Variants in ST18 observed in about 807,000 individuals in gnomAD.
ST18 encodes the protein ST18 C2H2C-type zinc finger transcription factor.
A neutral mutation model predicts 110.0 loss-of-function variants in ST18; 50 were observed. The observed-to-expected ratio is 0.45, with a 90% confidence interval of 0.36 to 0.58. The LOEUF is 0.58. Among genes scored for constraint, ST18 ranks in the 20% least tolerant of loss-of-function variants. The pLI is 0.00. For missense variants in ST18, 1,306 were observed against 1,280.1 expected (o/e 1.02, Z -0.31); for synonymous variants, 461 against 452.4 (o/e 1.02, Z -0.24).
chr8:52,144,397 A>G (rs1448202351), intron 16 of ST18, among the ~76,000 whole-genome samples: 1 of 152,118 alleles, frequency 6.6e-6, no homozygotes, highest in Non-Finnish European at 1.5e-5. Context: ...TTCTGAGTCT[A>G]TATTCAAAAG....
At chr8:52,361,125 A>G (rs1825562294) in intron 2 of ST18, among the ~76,000 whole-genome samples, 3 of 152,220 alleles carry the variant, frequency 2.0e-5, no homozygotes, top group African/African-American at 7.2e-5. Flanking sequence ...TCACCGTAGT[A>G]TATTTTCCCC....
chr8:52,256,681 T>A (rs4466419), intron 2 of ST18, among the ~76,000 whole-genome samples: 1 of 152,006 alleles, frequency 6.6e-6, no homozygotes, highest in Non-Finnish European at 1.5e-5. Flanking sequence ...CAACATGGAT[T>A]TCTAGCTGAC....
intron 2 of ST18, among the ~76,000 whole-genome samples, chr8:52,395,511 G>A (rs995935259): frequency 6.6e-6 from 1 of 152,186 alleles, no homozygotes; most frequent in Non-Finnish European, 1.5e-5. Flanking sequence ...CTCATGGGGA[G>A]AGCTGGATTG....
intron 6 of ST18, among the ~76,000 whole-genome samples, chr8:52,216,196 C>T (rs748775786): frequency 5.3e-5 from 8 of 152,104 alleles, no homozygotes; most frequent in Non-Finnish European, 1.0e-4. Context: ...TTCTTTACAC[C>T]GGCTTTAAGC....
chr8:52,275,486 C>G (rs544860019), intron 2 of ST18, among the ~76,000 whole-genome samples: 2 of 152,192 alleles, frequency 1.3e-5, no homozygotes, highest in Non-Finnish European at 2.9e-5. Context: ...CAATCCATCA[C>G]AGCTGAAGGT....
At chr8:52,388,903 C>T (rs1838093424) in intron 2 of ST18, among the ~76,000 whole-genome samples, 1 of 146,688 alleles carries the variant, frequency 6.8e-6, no homozygotes. Context: ...CAGCATGGCA[C>T]ATGTATACAT....
intron 2 of ST18, among the ~76,000 whole-genome samples, chr8:52,317,517 A>C (rs1397586595): frequency 1.3e-5 from 2 of 152,182 alleles, no homozygotes; most frequent in African/African-American, 4.8e-5. Flanking sequence ...CTGTTGTTTT[A>C]AGCCACTCAG....
intron 2 of ST18, among the ~76,000 whole-genome samples, chr8:52,290,189 T>C (rs891790651): frequency 4.6e-5 from 7 of 152,158 alleles, no homozygotes; most frequent in African/African-American, 1.7e-4. Flanking sequence ...TCCTCCTTCA[T>C]GTGACCACCC....
At chr8:52,275,880 C>A (rs1357784358) in intron 2 of ST18, among the ~76,000 whole-genome samples, 2 of 151,912 alleles carry the variant, frequency 1.3e-5, no homozygotes, top group African/African-American at 4.8e-5. Flanking sequence ...ATCAGTATAG[C>A]AAGCAGCAAG....
At chr8:52,355,139 G>C (rs1380722082) in intron 2 of ST18, among the ~76,000 whole-genome samples, 1 of 152,126 alleles carries the variant, frequency 6.6e-6, no homozygotes, top group South Asian at 2.1e-4. Flanking sequence ...GAACATCCCA[G>C]CCCACTCCTA....
At chr8:52,192,150 T>C (rs1285208023) in intron 8 of ST18, among the ~76,000 whole-genome samples, 1 of 152,144 alleles carries the variant, frequency 6.6e-6, no homozygotes, top group Non-Finnish European at 1.5e-5. Flanking sequence ...CTAAGACTGA[T>C]GTAGCTATGC....
At chr8:52,234,545 C>T (rs762217946) in intron 2 of ST18, among the ~76,000 whole-genome samples, 6 of 152,070 alleles carry the variant, frequency 3.9e-5, no homozygotes, top group Admixed American at 2.0e-4. Flanking sequence ...TGACCCACCA[C>T]GCCCTGCCAG....
At chr8:52,204,454 C>T (rs1211605626) in intron 8 of ST18, among the ~76,000 whole-genome samples, 11 of 152,126 alleles carry the variant, frequency 7.2e-5, no homozygotes, top group Admixed American at 5.9e-4. Flanking sequence ...CTAGTAAGCC[C>T]CCAGGGGATG....
intron 25 of ST18, among the ~76,000 whole-genome samples, chr8:52,115,548 C>T (rs1265826876): frequency 6.6e-6 from 1 of 152,164 alleles, no homozygotes; most frequent in African/African-American, 2.4e-5. Context: ...AGTACACTAA[C>T]ATGCTGCACA....
chr8:52,343,698 C>CA (rs927133004), intron 2 of ST18, among the ~76,000 whole-genome samples: 2 of 152,188 alleles, frequency 1.3e-5, no homozygotes, highest in African/African-American at 4.8e-5. Context: ...TTCTGATACA[C>CA]AGATACCACT....
At chr8:52,191,617 A>G (rs147017048) in intron 8 of ST18, among the ~76,000 whole-genome samples, 3 of 152,170 alleles carry the variant, frequency 2.0e-5, no homozygotes, top group Non-Finnish European at 4.4e-5. Flanking sequence ...TAGTTCGTAC[A>G]TGGTTCACCT....
intron 17 of ST18, among the ~76,000 whole-genome samples, chr8:52,139,259 C>T (rs2053810436): frequency 6.6e-6 from 1 of 151,942 alleles, no homozygotes; most frequent in African/African-American, 2.4e-5. Flanking sequence ...AGAGGTGTTT[C>T]AATTGCCTGG....
intron 7 of ST18, 150 bp from the exon 8 acceptor site, chr8:52,212,259 G>C (rs1159810337): frequency 1.3e-5 from 9 of 709,870 alleles, no homozygotes; most frequent in African/African-American, 5.4e-5. Flanking sequence ...CTTTGGAGAT[G>C]AGAGGACAGA....
At chr8:52,370,376 G>A (rs1354463539) in intron 2 of ST18, among the ~76,000 whole-genome samples, 1 of 151,122 alleles carries the variant, frequency 6.6e-6, no homozygotes, top group African/African-American at 2.5e-5. Flanking sequence ...GTGTGTGCAT[G>A]CATGCATGTG....
Sources: allele counts gnomAD v4.1 joint callset (sites outside exome capture counted in the v4.1 genomes callset), GRCh38; gene constraint gnomAD v4.1.1; transcripts MANE v1.5; gene names NCBI Gene and HGNC (gene_info 2026-07-23, HGNC 2026-07-21).